The following KDM4C variants were observed in gnomAD, a reference collection of about 807,000 sequenced individuals.
KDM4C encodes the protein lysine demethylase 4C.
Under a neutral mutation model 129.3 loss-of-function variants are expected in KDM4C, and 81 were observed. The observed-to-expected ratio is 0.63, with a 90% CI of 0.52 to 0.75. The LOEUF is 0.75. KDM4C is among the 30% of genes least tolerant of loss of function. The pLI is 0.00. For missense variants in KDM4C, 1,457 were observed against 1,304.0 expected, an observed-to-expected ratio of 1.12 and a Z score of -1.81; for synonymous variants, 573 against 456.1, an observed-to-expected ratio of 1.26 and a Z score of -3.26.
chr9:7,106,350 C>A (rs1436540735), intron 18 of KDM4C, among the ~76,000 whole-genome samples: 1 of 152,196 alleles, frequency 6.6e-6, no homozygotes, highest in Non-Finnish European at 1.5e-5. Context: ...TGTCTGTGTT[C>A]TCAACCATGC....
At chr9:6,884,709 C>T (rs1170072781) in intron 6 of KDM4C, among the ~76,000 whole-genome samples, 1 of 152,172 alleles carries the variant, frequency 6.6e-6, no homozygotes, top group Non-Finnish European at 1.5e-5. Flanking sequence ...ATTATCTTCA[C>T]CAAATTAGTG....
chr9:6,899,211 A>C (rs900814437), intron 8 of KDM4C, among the ~76,000 whole-genome samples: 1 of 152,070 alleles, frequency 6.6e-6, no homozygotes, highest in Non-Finnish European at 1.5e-5. Flanking sequence ...AATTCAGAGG[A>C]AAGTATAGAG....
At chr9:7,090,260 T>A (rs1835643479) in intron 17 of KDM4C, among the ~76,000 whole-genome samples, 1 of 152,226 alleles carries the variant, frequency 6.6e-6, no homozygotes, top group South Asian at 2.1e-4. Flanking sequence ...ATTTACCTCT[T>A]CTAGGACCAT....
chr9:6,760,028 A>C (rs867647502), intron 1 of KDM4C, among the ~76,000 whole-genome samples: 1 of 151,926 alleles, frequency 6.6e-6, no homozygotes, highest in Non-Finnish European at 1.5e-5. Flanking sequence ...TTGTGCAACC[A>C]TCACCACAAT....
chr9:6,739,424 A>G (rs1306545038), intron 1 of KDM4C, among the ~76,000 whole-genome samples: 2 of 151,584 alleles, frequency 1.3e-5, no homozygotes, highest in Non-Finnish European at 2.9e-5. Flanking sequence ...AAAATCTGCC[A>G]TCTAGTGTGG....
chr9:7,034,521 T>C (rs1453128081), intron 15 of KDM4C, among the ~76,000 whole-genome samples: 1 of 152,244 alleles, frequency 6.6e-6, no homozygotes, highest in African/African-American at 2.4e-5. Flanking sequence ...TTGTTGCAAA[T>C]GACAAGATTT....
intron 17 of KDM4C, among the ~76,000 whole-genome samples, chr9:7,060,869 T>C (rs1255995437): frequency 2.6e-5 from 4 of 152,178 alleles, no homozygotes; most frequent in Non-Finnish European, 1.5e-5. Context: ...ATGGTTTACA[T>C]TGTCAAGTCC....
upstream of KDM4C, among the ~76,000 whole-genome samples, chr9:6,753,868 C>CTTTTTTTTTTTTTTTTT (rs869158656): frequency 1.2e-5 from 1 of 80,368 alleles, no homozygotes; most frequent in Non-Finnish European, 2.3e-5. Context: ...TCATTGAATT[C>CTTTTTTTTTTTTTTTTT]TTTTTTTTTT....
intron 8 of KDM4C, among the ~76,000 whole-genome samples, chr9:6,936,387 T>G (rs62533819): frequency 0.26 from 39,015 of 150,964 alleles, 5,453 homozygotes; most frequent in South Asian, 0.4. Context: ...ACTTTACATA[T>G]ATTTGATTTG....
Position 7,011,822 on chromosome 9 carries a change from A to G in KDM4C, c.1911A>G (p.Thr637=), listed in dbSNP as rs764911623. 6.2e-7 allele frequency: 1 copy of G among 1,614,144 alleles called. No homozygotes were observed. Among genetic ancestry groups the G allele is most frequent in the Non-Finnish European group, 8.5e-7 (1 of 1,179,990 alleles). ...CAGCTGAGCAAGAGTATAATGCAACAGTGGCCAGGATGAAGCCACACTGTG... is the reference window on the plus strand; with the variant it reads ...CAGCTGAGCAAGAGTATAATGCAACGGTGGCCAGGATGAAGCCACACTGTG... ...NFAAEQEYNA[T]VARMKPHCAI... Residue 637 remains threonine (T), a synonymous_variant, in exon 13 of 22, where the codon ACA becomes ACG. Coordinates refer to ENST00000381309, the MANE Select transcript of KDM4C (RefSeq NM_015061.6).
chr9:7,125,140 C>T (rs1264523971), intron 18 of KDM4C, among the ~76,000 whole-genome samples: 1 of 152,168 alleles, frequency 6.6e-6, no homozygotes, highest in East Asian at 1.9e-4. Flanking sequence ...CTGACCCCTG[C>T]TCCCCGGGCC....
At chr9:6,767,951 C>T (rs1421043944) in intron 1 of KDM4C, among the ~76,000 whole-genome samples, 1 of 151,502 alleles carries the variant, frequency 6.6e-6, no homozygotes, top group Non-Finnish European at 1.5e-5. Flanking sequence ...TATATATACA[C>T]ACATAATATT....
intron 8 of KDM4C, among the ~76,000 whole-genome samples, chr9:6,930,679 TAATA>T (rs1823535726): frequency 4.3e-5 from 3 of 69,954 alleles, no homozygotes; most frequent in African/African-American, 6.7e-5. Flanking sequence ...AATTAATATA[TAATA>T]TATTAATTAT....
chr9:6,995,833 G>A (rs564925287), intron 12 of KDM4C, among the ~76,000 whole-genome samples: 6 of 151,968 alleles, frequency 3.9e-5, no homozygotes, highest in East Asian at 3.9e-4. Context: ...CACCACGCCC[G>A]GCTAATTTTT....
chr9:6,845,359 C>T (rs942537006), intron 4 of KDM4C, among the ~76,000 whole-genome samples: 1 of 152,052 alleles, frequency 6.6e-6, no homozygotes, highest in Non-Finnish European at 1.5e-5. Flanking sequence ...GGATTACAGG[C>T]GTGAGGCACC....
At chr9:6,935,546 T>A (rs1459240913) in intron 8 of KDM4C, among the ~76,000 whole-genome samples, 1 of 151,860 alleles carries the variant, frequency 6.6e-6, no homozygotes, top group Non-Finnish European at 1.5e-5. Flanking sequence ...GCCTCCCAAG[T>A]AGCTGGGATT....
intron 12 of KDM4C, among the ~76,000 whole-genome samples, chr9:6,993,577 T>G (rs1051554303): frequency 1.3e-5 from 2 of 152,196 alleles, no homozygotes; most frequent in Admixed American, 6.5e-5. Flanking sequence ...ATATTCCTGC[T>G]CTTTCCTGAG....
At chr9:6,955,121 G>A (rs1828841395) in intron 8 of KDM4C, among the ~76,000 whole-genome samples, 1 of 152,200 alleles carries the variant, frequency 6.6e-6, no homozygotes, top group East Asian at 1.9e-4. Flanking sequence ...CTGGTTACTG[G>A]ATGGTGAAAG....
intron 12 of KDM4C, among the ~76,000 whole-genome samples, chr9:6,996,577 T>A (rs1819787178): frequency 6.6e-6 from 1 of 152,220 alleles, no homozygotes; most frequent in Non-Finnish European, 1.5e-5. Flanking sequence ...GTTAATGATG[T>A]TTCTAATGCA....
Sources: gnomAD v4.1 joint callset for allele counts (sites outside exome capture counted in the v4.1 genomes callset) on GRCh38, gnomAD v4.1.1 for gene constraint, MANE v1.5 for transcripts, NCBI Gene and HGNC (gene_info 2026-07-23, HGNC 2026-07-21) for gene names.